Variants in TAFA4 observed in about 807,000 individuals in gnomAD.
TAFA4 encodes the protein TAFA chemokine like family member 4.
A neutral mutation model predicts 21.1 loss-of-function variants in TAFA4; 20 were observed. The observed-to-expected ratio is 0.95, with a 90% CI of 0.67 to 1.38. TAFA4 has a LOEUF of 1.38. Among genes scored for constraint, TAFA4 ranks in the 40% most tolerant of loss-of-function variants. The pLI is 0.00. For synonymous variants in TAFA4, 71 were observed against 67.4 expected (o/e 1.05, Z -0.26); for missense variants, 211 against 180.9 (o/e 1.17, Z -0.95).
intron 3 of TAFA4, among the ~76,000 whole-genome samples, chr3:68,789,230 CA>C (rs11328882): frequency 0.33 from 39,645 of 119,892 alleles, 6,122 homozygotes; most frequent in Non-Finnish European, 0.43. Context: ...GACTCCGTCT[CA>C]AAAAAAAAAA....
chr3:68,740,800 T>A (rs773816054), intron 4 of TAFA4, among the ~76,000 whole-genome samples: 1 of 152,318 alleles, frequency 6.6e-6, no homozygotes, highest in East Asian at 1.9e-4. Context: ...TACATTTACA[T>A]CCTTTTCAAG....
chr3:68,800,595 C>A (rs972458167), intron 3 of TAFA4, among the ~76,000 whole-genome samples: 4 of 152,188 alleles, frequency 2.6e-5, no homozygotes, highest in African/African-American at 7.2e-5. Flanking sequence ...GCAACTGCCC[C>A]AACTTAGAGA....
At chr3:68,736,931 C>A in intron 5 of TAFA4, among the ~76,000 whole-genome samples, 1 of 152,112 alleles carries the variant, frequency 6.6e-6, no homozygotes, top group Non-Finnish European at 1.5e-5. Flanking sequence ...CTTTCTACAA[C>A]TTTTCGAAGT....
intron 3 of TAFA4, among the ~76,000 whole-genome samples, chr3:68,805,056 T>A (rs897231196): frequency 6.6e-6 from 1 of 152,192 alleles, no homozygotes; most frequent in South Asian, 2.1e-4. Context: ...CCTACTCATC[T>A]GACAAAGGGC....
intron 3 of TAFA4, among the ~76,000 whole-genome samples, chr3:68,784,733 T>A (rs1256340398): frequency 6.6e-6 from 1 of 152,166 alleles, no homozygotes; most frequent in African/African-American, 2.4e-5. Flanking sequence ...CAGCCTGTTT[T>A]TATTCTCTTA....
intron 3 of TAFA4, among the ~76,000 whole-genome samples, chr3:68,780,756 T>C (rs1417906253): frequency 6.6e-6 from 1 of 152,178 alleles, no homozygotes; most frequent in African/African-American, 2.4e-5. Context: ...CCTTAAAACT[T>C]GACTCTCAGT....
chr3:68,868,974 A>C (rs1440679922), intron 3 of TAFA4, among the ~76,000 whole-genome samples: 2 of 151,934 alleles, frequency 1.3e-5, no homozygotes, highest in Non-Finnish European at 2.9e-5. Context: ...AAAAACGTTT[A>C]GCTAGACTAA....
intron 3 of TAFA4, among the ~76,000 whole-genome samples, chr3:68,869,751 C>T (rs2089461787): frequency 6.6e-6 from 1 of 151,926 alleles, no homozygotes; most frequent in Non-Finnish European, 1.5e-5. Context: ...CCACAGCTAA[C>T]ATACTGCTTG....
At chr3:68,789,127 G>A (rs1703317092) in intron 3 of TAFA4, among the ~76,000 whole-genome samples, 1 of 151,914 alleles carries the variant, frequency 6.6e-6, no homozygotes, top group Non-Finnish European at 1.5e-5. Flanking sequence ...GCTACTAGGG[G>A]GGCTGAGGCA....
chr3:68,813,577 A>G (rs1237717880), intron 3 of TAFA4, among the ~76,000 whole-genome samples: 1 of 152,246 alleles, frequency 6.6e-6, no homozygotes, highest in Non-Finnish European at 1.5e-5. Context: ...AGAAATGGAT[A>G]AATTCCTCAA....
intron 3 of TAFA4, among the ~76,000 whole-genome samples, chr3:68,773,065 C>T (rs1047118181): frequency 6.6e-6 from 1 of 152,170 alleles, no homozygotes; most frequent in African/African-American, 2.4e-5. Context: ...CAGTCATTCT[C>T]AAAAAGGTCC....
chr3:68,902,825 A>T (rs2089857688), intron 1 of TAFA4, among the ~76,000 whole-genome samples: 1 of 152,234 alleles, frequency 6.6e-6, no homozygotes, highest in African/African-American at 2.4e-5. Context: ...AACAAGAAGC[A>T]GGCCTGTTCA....
chr3:68,769,495 C>G (rs190905053), intron 3 of TAFA4, among the ~76,000 whole-genome samples: 5 of 152,284 alleles, frequency 3.3e-5, no homozygotes, highest in Admixed American at 6.5e-5. Context: ...TTGGGGACCA[C>G]TGTTCTACTG....
At chr3:68,765,833 C>T (rs537440915) in intron 3 of TAFA4, among the ~76,000 whole-genome samples, 5 of 151,968 alleles carry the variant, frequency 3.3e-5, no homozygotes, top group South Asian at 2.1e-4. Context: ...AAGTGGATAC[C>T]GAGGGGAAGA....
intron 3 of TAFA4, among the ~76,000 whole-genome samples, chr3:68,850,784 C>A (rs1448366089): frequency 6.6e-6 from 1 of 151,638 alleles, no homozygotes; most frequent in Admixed American, 6.6e-5. Flanking sequence ...GGGTATCAGA[C>A]CTTTGACAGA....
chr3:68,773,314 C>T (rs1702992420), intron 3 of TAFA4, among the ~76,000 whole-genome samples: 2 of 152,170 alleles, frequency 1.3e-5, no homozygotes, highest in Non-Finnish European at 2.9e-5. Flanking sequence ...ACACATCAGG[C>T]AAGGTCTGGA....
chr3:68,857,161 A>T (rs17048087), intron 3 of TAFA4, among the ~76,000 whole-genome samples: 3,306 of 152,294 alleles, frequency 0.022, 114 homozygotes, highest in African/African-American at 0.07. Context: ...ATTCCCTTTC[A>T]AAACAGCATT....
At chr3:68,828,916 T>A (rs1210510648) in intron 3 of TAFA4, among the ~76,000 whole-genome samples, 1 of 152,166 alleles carries the variant, frequency 6.6e-6, no homozygotes, top group African/African-American at 2.4e-5. Flanking sequence ...AATACTATGT[T>A]GACTAGGAGT....
rs544879350 is a variant in TAFA4 at position 68,814,650 on chromosome 3, A to T, written c.131-61632T>A. Among the ~76,000 whole-genome samples, 11 of 152,356 alleles carry T rather than the reference A, an allele frequency of 7.2e-5. No homozygotes were observed. In the South Asian group the frequency reaches 2.3e-3, roughly 32 times the overall value. ...CAAGGAGAACTACAAACCACTGCTCAATGAAATAAAAGAGGATACAAACAC... is the reference window on the plus strand; with the variant it reads ...CAAGGAGAACTACAAACCACTGCTCTATGAAATAAAAGAGGATACAAACAC... On this transcript the variant is annotated intron_variant, in intron 3 of 5. Transcript: ENST00000295569.
Sources: allele counts gnomAD v4.1 joint callset (sites outside exome capture counted in the v4.1 genomes callset), GRCh38; gene constraint gnomAD v4.1.1; transcripts MANE v1.5; gene names NCBI Gene and HGNC (gene_info 2026-07-23, HGNC 2026-07-21).